GAS7: variants seen among roughly 807,000 people sequenced by gnomAD.
GAS7 encodes the protein growth arrest-specific protein 7.
Under a neutral mutation model 71.1 loss-of-function variants are expected in GAS7, and 28 were observed. That is an observed-to-expected ratio of 0.39 (90% CI 0.29 to 0.54). GAS7 has a LOEUF of 0.54. GAS7 is among the 20% of genes least tolerant of loss of function. The probability of loss-of-function intolerance (pLI) is 0.62; values close to 1 mark genes in which losing one functional copy is unlikely to be tolerated. For missense variants in GAS7, 436 were observed against 627.8 expected, an observed-to-expected ratio of 0.69 and a Z score of 3.27; for synonymous variants, 258 against 245.8, an observed-to-expected ratio of 1.05 and a Z score of -0.46.
intron 1 of GAS7, among the ~76,000 whole-genome samples, chr17:10,116,449 T>C (rs936876770): frequency 6.6e-6 from 1 of 152,040 alleles, no homozygotes; most frequent in African/African-American, 2.4e-5. Flanking sequence ...CCCCGGGGAA[T>C]GCAAGCTGAA....
At chr17:10,050,993 G>A (rs1035785856) in intron 1 of GAS7, among the ~76,000 whole-genome samples, 1 of 152,134 alleles carries the variant, frequency 6.6e-6, no homozygotes, top group Non-Finnish European at 1.5e-5. Context: ...GTTGACCACA[G>A]ACATCCATGT....
chr17:9,941,610 A>G (rs985659252), intron 7 of GAS7, among the ~76,000 whole-genome samples: 4 of 152,244 alleles, frequency 2.6e-5, no homozygotes, highest in African/African-American at 7.2e-5. Context: ...TTCTCTAGGA[A>G]GCCCGGAATG....
At chr17:10,008,013 T>A (rs2071610017) in intron 2 of GAS7, among the ~76,000 whole-genome samples, 1 of 152,198 alleles carries the variant, frequency 6.6e-6, no homozygotes, top group Admixed American at 6.5e-5. Flanking sequence ...TTTGACTTAC[T>A]GTGATGTTTT....
chr17:10,048,033 G>A (rs1426934033), intron 1 of GAS7, among the ~76,000 whole-genome samples: 3 of 152,232 alleles, frequency 2.0e-5, no homozygotes, highest in Non-Finnish European at 4.4e-5. Context: ...CAGGCGCGGT[G>A]ACTCATGCCT....
intron 2 of GAS7, among the ~76,000 whole-genome samples, chr17:10,012,805 T>C (rs2071827801): frequency 6.6e-6 from 1 of 151,872 alleles, no homozygotes; most frequent in Admixed American, 6.6e-5. Flanking sequence ...GTTAGTGCCA[T>C]TAAAAGAGAA....
At chr17:10,081,381 C>G (rs1237331191) in intron 1 of GAS7, among the ~76,000 whole-genome samples, 1 of 152,182 alleles carries the variant, frequency 6.6e-6, no homozygotes, top group Non-Finnish European at 1.5e-5. Flanking sequence ...GTCTCGAACT[C>G]CTGACCTTGT....
intron 1 of GAS7, among the ~76,000 whole-genome samples, chr17:10,132,798 A>C (rs2074007323): frequency 6.6e-6 from 1 of 152,128 alleles, no homozygotes; most frequent in Non-Finnish European, 1.5e-5. Flanking sequence ...TTTAATCTTT[A>C]AAGTCTCTTT....
chr17:10,026,078 C>T lies in GAS7; in HGVS notation c.184-6181G>A, dbSNP rs1314266930. 1.3e-6 allele frequency: 1 copy of T among 775,158 alleles called. No individual in the cohort carries two copies. Among genetic ancestry groups the T allele is most frequent in the African/African-American group, 1.9e-5 (1 of 53,134 alleles). The allele number at this position is 775,158 out of a possible 1,614,324, so 48.0% of individuals were successfully genotyped here. On this transcript the variant is annotated intron_variant, in intron 1 of 13. Transcript: ENST00000432992. The surrounding 1 kb of genome is among the most constrained non-coding windows in gnomAD (Gnocchi z 4.5). ...TCCCACCATGCTTCAAGCTCAAGTT[C>T]AACCCGGATGCCACCTCCACCTCCG...
At position 10,158,640 on chromosome 17, in the gene GAS7, C is replaced by T. The variant is rs1259801552; in HGVS notation, c.183+39568G>A. ...ATGGAAGGATAGAAGGTTAGATATG[C>T]AATAAAACAAGTATAAGAAAATGTT... On this transcript the variant is annotated intron_variant, in intron 1 of 13. Transcript: ENST00000432992. 2.0e-5 allele frequency among the ~76,000 whole-genome samples: 3 copies of T among 152,038 alleles called. No individual in the cohort carries two copies. In the East Asian group the frequency reaches 5.8e-4, roughly 30 times the overall value.
chr17:10,041,184 GT>G (rs1268067002), intron 1 of GAS7, among the ~76,000 whole-genome samples: 1 of 150,174 alleles, frequency 6.7e-6, no homozygotes, highest in Non-Finnish European at 1.5e-5. Flanking sequence ...AAAGAAGAAG[GT>G]AAAAGCAAAA....
intron 1 of GAS7, among the ~76,000 whole-genome samples, chr17:10,150,332 T>C (rs1224303792): frequency 6.6e-6 from 1 of 152,022 alleles, no homozygotes; most frequent in African/African-American, 2.4e-5. Context: ...TTTTCCTTTC[T>C]CCCTTCCGCC....
intron 1 of GAS7, among the ~76,000 whole-genome samples, chr17:10,131,675 G>A (rs921661044): frequency 2.0e-5 from 3 of 152,146 alleles, no homozygotes; most frequent in African/African-American, 7.2e-5. Flanking sequence ...ATTCCTGCAT[G>A]TATGAATACA....
chr17:9,943,793 C>T (rs1022566028), intron 6 of GAS7, among the ~76,000 whole-genome samples: 9 of 152,206 alleles, frequency 5.9e-5, no homozygotes, highest in African/African-American at 1.9e-4. Flanking sequence ...GAGGAGAGAA[C>T]AGGACAGGCT....
intron 2 of GAS7, among the ~76,000 whole-genome samples, chr17:10,000,047 G>A (rs764493772): frequency 3.4e-4 from 52 of 152,286 alleles, no homozygotes; most frequent in Non-Finnish European, 5.6e-4. Flanking sequence ...AAAACAGATT[G>A]CAGCTGTTAG....
rs955582324 is a variant in GAS7 at position 10,094,460 on chromosome 17, T to C, written c.184-74563A>G. On this transcript the variant is annotated intron_variant, in intron 1 of 13. Coordinates refer to ENST00000432992, the MANE Select transcript of GAS7 (RefSeq NM_201433.2). ...CATGGGAACTCTCTGGATATTTCTTTTTCTTTTTCTTTTTTTTCTTTTTTT... is the reference window on the plus strand; with the variant it reads ...CATGGGAACTCTCTGGATATTTCTTCTTCTTTTTCTTTTTTTTCTTTTTTT... Among the ~76,000 whole-genome samples, 14 of 152,144 alleles carry C rather than the reference T, an allele frequency of 9.2e-5. No individual in the cohort carries two copies. The East Asian group carries it at 2.7e-3, about 29-fold the overall frequency.
intron 1 of GAS7, among the ~76,000 whole-genome samples, chr17:10,051,053 T>C (rs892937372): frequency 6.6e-6 from 1 of 152,078 alleles, no homozygotes; most frequent in African/African-American, 2.4e-5. Context: ...GAGAGGAAGC[T>C]CAAATGCAGG....
chr17:9,944,488 C>T (rs1298486870), intron 6 of GAS7, among the ~76,000 whole-genome samples: 1 of 152,190 alleles, frequency 6.6e-6, no homozygotes, highest in Non-Finnish European at 1.5e-5. Context: ...TGGGTTGCAT[C>T]TCTCAGATCC....
chr17:9,959,313 C>G lies in GAS7; in HGVS notation c.472-58G>C. ...TGTTCTCCATATTGGACATTTTTTC[C>G]CCCCATTCAGGTTCCCTGAGGGTGG... On this transcript the variant is annotated intron_variant, in intron 4 of 13. Transcript: ENST00000432992. This position sits in a 1 kb window ranked among gnomAD's most constrained non-coding sequence, Gnocchi z 5.0. 1 of 1,612,030 alleles carries G rather than the reference C, an allele frequency of 6.2e-7. No homozygotes were observed. The highest frequency in any genetic ancestry group is 8.5e-7 in the Non-Finnish European group (1 of 1,178,966).
At position 10,198,381 on chromosome 17, in the gene GAS7, C is replaced by A. The variant is rs1597850620; in HGVS notation, c.10G>T (p.Ala4Ser). 6.3e-7 allele frequency: 1 copy of A among 1,585,282 alleles called. No individual in the cohort carries two copies. The change falls in exon 1 of 14, where the codon GCT becomes TCT. Residue 4 changes from alanine (A) to serine (S), a missense_variant. Ala to Ser is a moderately conservative substitution (Grantham distance 99). Transcript: ENST00000432992. ...AAGGGGTACAGGGTCCGGCAGCGAG[C>A]GCCGGACATGGCCTTGGCGCCCGGG... MSG[A>S]RCRTLYPFSG...
Sources: allele counts gnomAD v4.1 joint callset (sites outside exome capture counted in the v4.1 genomes callset), GRCh38; gene constraint gnomAD v4.1.1; non-coding constraint Gnocchi (gnomAD v3.1); transcripts MANE v1.5; gene names NCBI Gene and HGNC (gene_info 2026-07-23, HGNC 2026-07-21).